The following TMTC1 variants were observed in gnomAD, a reference collection of about 807,000 sequenced individuals.
TMTC1 encodes protein O-mannosyl-transferase TMTC1.
A neutral mutation model predicts 104.8 loss-of-function variants in TMTC1; 73 were observed. The ratio of observed to expected loss-of-function variants is 0.70; its 90% CI spans 0.58 to 0.85. TMTC1 has a LOEUF of 0.85. Among genes scored for constraint, TMTC1 ranks in the 40% least tolerant of loss-of-function variants. The pLI is 0.00. For synonymous variants in TMTC1, 434 were observed against 428.7 expected, an observed-to-expected ratio of 1.01 and a Z score of -0.15; for missense variants, 1,035 against 1,096.1, an observed-to-expected ratio of 0.94 and a Z score of 0.79.
chr12:29,644,110 T>TAAATATAAATATAAATATATAA (rs1388287786), intron 5 of TMTC1, among the ~76,000 whole-genome samples: 1 of 43,844 alleles, frequency 2.3e-5, no homozygotes, highest in African/African-American at 8.3e-5. Context: ...TATAAATATA[T>TAAATATAAATATAAATATATAA]ATGTGTGTGT....
In TMTC1 at chr12:29,536,144, C is replaced by A. The variant is rs560731825; in HGVS notation, c.1785+65G>T. On this transcript the variant is annotated intron_variant, in intron 11 of 17. Transcript: ENST00000539277. ...CAAATTAAATCATTAGTACAAAAATCTGTGTAACATTAATTTATACATGTA... is the reference window on the plus strand; with the variant it reads ...CAAATTAAATCATTAGTACAAAAATATGTGTAACATTAATTTATACATGTA... The A allele has an allele frequency of 2.1e-5, 22 of 1,056,112 alleles. No homozygotes were observed. In the African/African-American group the frequency reaches 3.0e-4, roughly 14 times the overall value. 65.4% of individuals were successfully genotyped at this position (1,056,112 alleles called of 1,614,324 possible).
intron 9 of TMTC1, among the ~76,000 whole-genome samples, chr12:29,565,793 G>A (rs1945495604): frequency 6.6e-6 from 1 of 152,236 alleles, no homozygotes. Flanking sequence ...GCCACAGTGA[G>A]TGGAGATCGC....
chr12:29,607,551 C>T (rs554631371), intron 6 of TMTC1, among the ~76,000 whole-genome samples: 1 of 152,246 alleles, frequency 6.6e-6, no homozygotes, highest in South Asian at 2.1e-4. Context: ...ATGTACAAAG[C>T]AGGCAATAAG....
At chr12:29,535,759 T>C (rs1477258913) in intron 11 of TMTC1, 2 of 161,376 alleles carry the variant, frequency 1.2e-5, no homozygotes, top group Non-Finnish European at 2.7e-5. Flanking sequence ...CTCTGTTTTA[T>C]GCCATAAAAA....
intron 7 of TMTC1, among the ~76,000 whole-genome samples, chr12:29,602,076 T>G (rs945041549): frequency 7.2e-5 from 11 of 151,988 alleles, no homozygotes; most frequent in African/African-American, 1.4e-4. Context: ...CCTCGTGATC[T>G]GCCCGCCTCG....
chr12:29,720,777 G>C, intron 5 of TMTC1, among the ~76,000 whole-genome samples: 1 of 151,938 alleles, frequency 6.6e-6, no homozygotes, highest in Non-Finnish European at 1.5e-5. Flanking sequence ...TTCCAGATTG[G>C]CAAGAAGCCC....
At chr12:29,559,596 C>T (rs960039395) in intron 9 of TMTC1, among the ~76,000 whole-genome samples, 1 of 152,184 alleles carries the variant, frequency 6.6e-6, no homozygotes, top group Admixed American at 6.5e-5. Context: ...CAACTTGGAG[C>T]TGCAGAAACG....
intron 10 of TMTC1, among the ~76,000 whole-genome samples, chr12:29,552,087 G>A (rs940260377): frequency 1.4e-4 from 21 of 152,168 alleles, no homozygotes; most frequent in African/African-American, 3.9e-4. Context: ...ATAGAGTCAC[G>A]TCTTATTTAG....
chr12:29,585,365 A>G (rs1203383573), intron 7 of TMTC1, among the ~76,000 whole-genome samples: 2 of 152,136 alleles, frequency 1.3e-5, no homozygotes, highest in Non-Finnish European at 2.9e-5. Context: ...AGTAGGTTGC[A>G]AAAATTTTCT....
chr12:29,586,374 T>C (rs1279293187), intron 7 of TMTC1, among the ~76,000 whole-genome samples: 1 of 152,208 alleles, frequency 6.6e-6, no homozygotes. Flanking sequence ...AATCATGTCA[T>C]CTGCAAACAG....
At chr12:29,555,340 T>C (rs1224171398) in intron 10 of TMTC1, among the ~76,000 whole-genome samples, 2 of 151,774 alleles carry the variant, frequency 1.3e-5, no homozygotes, top group Non-Finnish European at 2.9e-5. Context: ...TTTTTTAAAA[T>C]TATACTTAAG....
chr12:29,652,263 G>A (rs1201640871), intron 5 of TMTC1, among the ~76,000 whole-genome samples: 1 of 152,122 alleles, frequency 6.6e-6, no homozygotes, highest in Non-Finnish European at 1.5e-5. Flanking sequence ...TCCTGAGGAG[G>A]GCAATGAACA....
intron 6 of TMTC1, among the ~76,000 whole-genome samples, chr12:29,613,612 A>G (rs922779293): frequency 3.3e-5 from 5 of 152,234 alleles, no homozygotes; most frequent in African/African-American, 7.2e-5. Context: ...TAAGGATTCA[A>G]TTAAGAACCA....
chr12:29,755,642 A>C (rs904846288), intron 4 of TMTC1, 67 bp downstream of exon 4: 3 of 1,399,582 alleles, frequency 2.1e-6, no homozygotes, highest in East Asian at 4.7e-5. Context: ...GGAAGTTTGG[A>C]AACTATTAAG....
chr12:29,585,009 C>T (rs11050306), intron 7 of TMTC1, among the ~76,000 whole-genome samples: 1 of 148,214 alleles, frequency 6.7e-6, no homozygotes, highest in Non-Finnish European at 1.5e-5. Context: ...CCTGAGGAAT[C>T]GCCACGCTGA....
chr12:29,555,556 T>C (rs1327251696), intron 10 of TMTC1, among the ~76,000 whole-genome samples: 1 of 151,712 alleles, frequency 6.6e-6, no homozygotes, highest in Non-Finnish European at 1.5e-5. Context: ...CTCCCAATTA[T>C]GAGTGAGAAC....
At chr12:29,672,084 A>G (rs1239081509) in intron 5 of TMTC1, among the ~76,000 whole-genome samples, 1 of 152,214 alleles carries the variant, frequency 6.6e-6, no homozygotes, top group Non-Finnish European at 1.5e-5. Flanking sequence ...TGGAAGTTCC[A>G]ATCCCTGGAA....
chr12:29,773,282 G>A (rs1943634874), intron 1 of TMTC1, among the ~76,000 whole-genome samples: 2 of 152,230 alleles, frequency 1.3e-5, no homozygotes, highest in East Asian at 1.9e-4. Context: ...GGCACCAAAG[G>A]GGGTTGTGGG....
chr12:29,536,383 T>C, intron 10 of TMTC1, 66 bp from the exon 11 acceptor site: 1 of 1,003,464 alleles, frequency 1.0e-6, no homozygotes, highest in Non-Finnish European at 1.5e-6. Flanking sequence ...AATCCTCTGA[T>C]TAGACTCTAA....
Sources: allele counts gnomAD v4.1 joint callset (sites outside exome capture counted in the v4.1 genomes callset), GRCh38; gene constraint gnomAD v4.1.1; transcripts MANE v1.5; gene names NCBI Gene and HGNC (gene_info 2026-07-23, HGNC 2026-07-21).